MDN1: variants seen among roughly 807,000 people sequenced by gnomAD.
MDN1 encodes midasin AAA ATPase 1, also known as midasin.
Under a neutral mutation model 669.2 loss-of-function variants are expected in MDN1, and 266 were observed. The observed-to-expected ratio is 0.40, with a 90% CI of 0.36 to 0.44. The LOEUF (loss-of-function observed/expected upper bound fraction) is 0.44. Ranked by LOEUF, MDN1 falls within the 20% of genes least tolerant of loss-of-function variation. The pLI is 1.00. For synonymous variants in MDN1, 2,385 were observed against 2,457.1 expected, an observed-to-expected ratio of 0.97 and a Z score of 0.87; for missense variants, 5,940 against 6,754.0, an observed-to-expected ratio of 0.88 and a Z score of 4.22.
rs545683601 is a variant in MDN1, at chr6:89,774,615, A to G, written c.1934+6T>C. ...AGTTGGCAGCTTAGTTTAGAGCCCTACTTACCTCTGTAGGTGAACAGCCTC... is the reference window on the plus strand; with the variant it reads ...AGTTGGCAGCTTAGTTTAGAGCCCTGCTTACCTCTGTAGGTGAACAGCCTC... On this transcript the variant is annotated splice_donor_region_variant and intron_variant, in intron 13 of 101. Coordinates refer to ENST00000369393, the MANE Select transcript of MDN1 (RefSeq NM_014611.3). 18 of 1,607,296 alleles carry G rather than the reference A, an allele frequency of 1.1e-5. No individual in the cohort carries two copies. The highest frequency in any genetic ancestry group is 2.7e-5 in the African/African-American group (2 of 74,904).
In MDN1 at chr6:89,693,126, G is replaced by A. The variant is rs373042392; in HGVS notation, c.9904C>T (p.Arg3302Trp). The A allele has an allele frequency of 4.4e-6, 7 of 1,597,844 alleles. No individual in the cohort carries two copies. The highest frequency in any genetic ancestry group is 4.3e-6 in the Non-Finnish European group (5 of 1,172,944). The change falls in exon 63 of 102, where the codon CGG becomes TGG. Residue 3302 changes from arginine to tryptophan, a missense_variant. By Grantham distance (101) the Arg-to-Trp change is moderately radical. This residue lies in a region of MDN1 where 150 missense variants were observed against 234.2 expected (regional missense o/e 0.64). Transcript: ENST00000369393. ...AGGTGACAGGTTAAATTATCCAGCC[G>A]ATCCATCCTTTGGCGAAGCAGCCTA... ...HVRLLRQRMD[R>W]LDNLTCHLLK...
At chr6:89,729,677 G>GTTTTT (rs35914010) in intron 35 of MDN1, among the ~76,000 whole-genome samples, 71 of 100,766 alleles carry the variant, frequency 7.0e-4, no homozygotes, top group South Asian at 1.5e-3. Flanking sequence ...TTTTGTTTTC[G>GTTTTT]TTTTTTTTTT....
At chr6:89,779,833 A>AC (rs1339456699) in intron 11 of MDN1, among the ~76,000 whole-genome samples, 3 of 152,216 alleles carry the variant, frequency 2.0e-5, no homozygotes, top group Non-Finnish European at 4.4e-5. Flanking sequence ...TGGGAGGCCG[A>AC]CGTGGGTGGA....
At chr6:89,796,363 C>A (rs113801359) in intron 2 of MDN1, among the ~76,000 whole-genome samples, 1,248 of 98,962 alleles carry the variant, frequency 0.013, 20 homozygotes, top group African/African-American at 0.044. Context: ...AAAAAAAAAA[C>A]CAAACACTTT....
At chr6:89,647,293 G>A (rs982962150) in intron 99 of MDN1, among the ~76,000 whole-genome samples, 3 of 152,194 alleles carry the variant, frequency 2.0e-5, no homozygotes, top group Non-Finnish European at 2.9e-5. Context: ...GTCCAGGGCA[G>A]CCTAGAAAAA....
chr6:89,744,972 CTT>C (rs1201524054), intron 29 of MDN1, among the ~76,000 whole-genome samples: 20 of 136,138 alleles, frequency 1.5e-4, no homozygotes, highest in Non-Finnish European at 1.9e-4. Context: ...ATCTTAGTTT[CTT>C]TTTTTTTTTT....
intron 72 of MDN1, 123 bp from the exon 73 acceptor site, chr6:89,683,453 C>A: frequency 1.3e-6 from 1 of 744,062 alleles, no homozygotes. Context: ...ATATACAATG[C>A]TCTCCTTAAA....
chr6:89,770,037 G>T (rs969198070), intron 15 of MDN1, among the ~76,000 whole-genome samples: 2 of 152,090 alleles, frequency 1.3e-5, no homozygotes, highest in Middle Eastern at 3.2e-3. Flanking sequence ...GTTCAAGGCT[G>T]TGCTAAGCCA....
intron 83 of MDN1, among the ~76,000 whole-genome samples, chr6:89,670,156 ATATATATATATATATTTT>A (rs1347661721): frequency 5.3e-4 from 14 of 26,494 alleles, no homozygotes; most frequent in South Asian, 4.7e-3. Context: ...ATATATATAT[ATATATATATATATATTTT>A]TTTTTTTTTT....
intron 84 of MDN1, 145 bp from the exon 85 acceptor site, chr6:89,664,773 ATT>A (rs1810066671): frequency 3.2e-6 from 2 of 616,040 alleles, no homozygotes; most frequent in South Asian, 5.9e-5. Flanking sequence ...GCCACATGGA[ATT>A]TGTAAAATTT....
intron 1 of MDN1, chr6:89,814,821 A>T: frequency 2.1e-6 from 1 of 475,390 alleles, no homozygotes; most frequent in Non-Finnish European, 4.2e-6. Context: ...CTGTGCAGAC[A>T]GTTCCAAAGA....
At chr6:89,735,846 C>A (rs977482890) in intron 33 of MDN1, among the ~76,000 whole-genome samples, 1 of 152,168 alleles carries the variant, frequency 6.6e-6, no homozygotes, top group Middle Eastern at 3.4e-3. Flanking sequence ...ATGGTGAAAC[C>A]CCGTCTCTAC....
intron 32 of MDN1, among the ~76,000 whole-genome samples, chr6:89,739,761 G>A (rs976351335): frequency 2.0e-5 from 3 of 152,148 alleles, no homozygotes; most frequent in Admixed American, 6.6e-5. Flanking sequence ...TAACCCTTAC[G>A]AGAACAAATA....
chr6:89,706,297 T>C (rs1381133830), intron 52 of MDN1, 105 bp from the exon 53 acceptor site: 15 of 1,218,254 alleles, frequency 1.2e-5, no homozygotes, highest in Non-Finnish European at 1.6e-5. Flanking sequence ...TTATCCCCAG[T>C]ACAAAGGTCA....
At position 89,771,615 on chromosome 6, in the gene MDN1, CGGT is replaced by C. The variant is rs1818081913; in HGVS notation, c.2087_2089del (p.His696del). On this transcript the variant is annotated inframe_deletion, in exon 15 of 102. Transcript: ENST00000369393. ...TTGATTCATATTGACAACCCTCAAA[CGGT>C]GGCCTTTTATAAAGAAAGTGCAAAA... The C allele has an allele frequency of 1.2e-6, 2 of 1,613,598 alleles. No individual in the cohort carries two copies.
intron 37 of MDN1, 73 bp from the exon 38 acceptor site, chr6:89,725,469 A>T (rs1325639744): frequency 8.1e-7 from 1 of 1,231,198 alleles, no homozygotes; most frequent in East Asian, 2.4e-5. Context: ...GGGGAATAAT[A>T]TGCAGCAAAT....
At chr6:89,735,704 A>G (rs1484092286) in intron 33 of MDN1, among the ~76,000 whole-genome samples, 2 of 152,154 alleles carry the variant, frequency 1.3e-5, no homozygotes, top group Admixed American at 1.3e-4. Context: ...TCAGAATTCA[A>G]TTTAGAAGGA....
At chr6:89,684,077 C>T (rs891373530) in intron 71 of MDN1, among the ~76,000 whole-genome samples, 173 bp from the exon 72 acceptor site, 1 of 152,158 alleles carries the variant, frequency 6.6e-6, no homozygotes, top group Non-Finnish European at 1.5e-5. Flanking sequence ...GGCGCGGTGG[C>T]TCACACCTGT....
intron 73 of MDN1, among the ~76,000 whole-genome samples, chr6:89,681,459 C>T (rs1166646791): frequency 6.6e-6 from 1 of 152,144 alleles, no homozygotes; most frequent in Non-Finnish European, 1.5e-5. Context: ...CAGGCATGAG[C>T]CACCGCACCT....
Sources: allele counts gnomAD v4.1 joint callset (sites outside exome capture counted in the v4.1 genomes callset), GRCh38; gene constraint gnomAD v4.1.1; regional missense constraint gnomAD v4.1.1; transcripts MANE v1.5; gene names NCBI Gene and HGNC (gene_info 2026-07-23, HGNC 2026-07-21).